BRCA1: variants seen among roughly 807,000 people sequenced by gnomAD.
BRCA1 encodes the protein BRCA1 DNA repair associated.
A neutral mutation model predicts 173.7 loss-of-function variants in BRCA1; 140 were observed. That is an observed-to-expected ratio of 0.81 (90% CI 0.70 to 0.93). The LOEUF (loss-of-function observed/expected upper bound fraction) is 0.93, where lower values mean the gene tolerates loss of function less well. BRCA1 is among the 40% of genes least tolerant of loss of function. The pLI is 0.00. For synonymous variants in BRCA1, 662 were observed against 756.0 expected (o/e 0.88, Z 2.04); for missense variants, 1,983 against 2,172.5 (o/e 0.91, Z 1.73).
chr17:43,148,782 C>A (rs11079056), intron 1 of BRCA1: 54,387 of 167,444 alleles, frequency 0.32, 9,206 homozygotes, highest in South Asian at 0.49. Flanking sequence ...ATAAGAATGA[C>A]TCTGTTTTGG....
intron 21 of BRCA1, among the ~76,000 whole-genome samples, chr17:43,048,347 C>A (rs1398147406): frequency 6.6e-6 from 1 of 152,094 alleles, no homozygotes; most frequent in Non-Finnish European, 1.5e-5. Flanking sequence ...GGACTACAGG[C>A]GTGCGCCCCT....
rs786202386 is a variant in BRCA1, at chr17:43,093,786, G to A, written c.1745C>T (p.Thr582Met). The change falls in exon 10 of 23, where the codon ACG becomes ATG. Residue 582 changes from threonine to methionine, a missense_variant. Coordinates refer to ENST00000357654, the MANE Select transcript of BRCA1 (RefSeq NM_007294.4). ...ACTGCTGCTTATAGGTTCAGCTTTC[G>A]TTTTGAAAGCAGATTCTTTTTCGAG... Reference protein sequence around the residue: ...ESLEKESAFKTKAEPISSSIS... With the variant: ...ESLEKESAFKMKAEPISSSIS... The A allele has an allele frequency of 9.3e-6, 15 of 1,613,436 alleles. No individual in the cohort carries two copies. Among genetic ancestry groups the A allele is most frequent in the Non-Finnish European group, 1.1e-5 (13 of 1,179,894 alleles).
chr17:43,086,862 G>A (rs1180368362), intron 11 of BRCA1, among the ~76,000 whole-genome samples: 1 of 152,174 alleles, frequency 6.6e-6, no homozygotes, highest in Admixed American at 6.5e-5. Context: ...TGAAGAAGTG[G>A]AGAATACTGG....
At chr17:43,148,989 AT>A (rs2056141904) in intron 1 of BRCA1, among the ~76,000 whole-genome samples, 1 of 152,066 alleles carries the variant, frequency 6.6e-6, no homozygotes, top group South Asian at 2.1e-4. Context: ...TGGTTCTAGG[AT>A]ACTGCCCCCA....
At chr17:43,137,453 A>G (rs190672631) in intron 1 of BRCA1, among the ~76,000 whole-genome samples, 1 of 152,140 alleles carries the variant, frequency 6.6e-6, no homozygotes, top group Admixed American at 6.5e-5. Flanking sequence ...AAAAGAATAA[A>G]AGAGGTCCCT....
At chr17:43,141,538 G>A (rs1467692095) in intron 1 of BRCA1, among the ~76,000 whole-genome samples, 2 of 151,820 alleles carry the variant, frequency 1.3e-5, no homozygotes, top group African/African-American at 4.8e-5. Context: ...AATTATCACC[G>A]GGCACGGTGG....
rs764503776 is a variant in BRCA1 at position 43,076,645 on chromosome 17, T to G, written c.4358-31A>C. 2 of 1,608,944 alleles carry G rather than the reference T, an allele frequency of 1.2e-6. No homozygotes were observed. Among genetic ancestry groups the G allele is most frequent in the Non-Finnish European group, 1.7e-6 (2 of 1,177,004 alleles). On this transcript the variant is annotated intron_variant, in intron 12 of 22. Transcript: ENST00000357654. ...AATGGAATGAGAAAACAAATCTACT[T>G]TACTGCTTTGTTCTGATAGTGATAA...
chr17:43,046,028 TCTC>T (rs1441496816), intron 22 of BRCA1, among the ~76,000 whole-genome samples: 4 of 151,518 alleles, frequency 2.6e-5, no homozygotes, highest in Admixed American at 1.3e-4. Flanking sequence ...TTCAAGCAAT[TCTC>T]CTGTCTCTGC....
At chr17:43,152,960 A>G (rs559682335) in intron 1 of BRCA1, among the ~76,000 whole-genome samples, 171 of 152,224 alleles carry the variant, frequency 1.1e-3, no homozygotes, top group African/African-American at 4.0e-3. Flanking sequence ...CCTTGAACCC[A>G]GGAGGCGGAG....
chr17:43,100,595 T>TTA (rs1488872824), intron 6 of BRCA1, among the ~76,000 whole-genome samples: 2,890 of 61,926 alleles, frequency 0.047, 551 homozygotes, highest in African/African-American at 0.18. Context: ...CATATATATA[T>TTA]TATATATATA....
intron 17 of BRCA1, among the ~76,000 whole-genome samples, 163 bp downstream of exon 17, chr17:43,063,711 G>A (rs2153577208): frequency 6.6e-6 from 1 of 152,250 alleles, no homozygotes; most frequent in South Asian, 2.1e-4. Flanking sequence ...CAGCTTATCT[G>A]AACAAAGTGA....
chr17:43,055,304 C>T (rs1009592624), intron 19 of BRCA1, among the ~76,000 whole-genome samples: 12 of 152,144 alleles, frequency 7.9e-5, no homozygotes, highest in Admixed American at 2.0e-4. Flanking sequence ...TTTTTCCCTC[C>T]GTGAAGCCTT....
intron 1 of BRCA1, chr17:43,160,205 C>A (rs531700582): frequency 6.6e-6 from 1 of 152,092 alleles, no homozygotes; most frequent in African/African-American, 2.4e-5. Context: ...CCACACCTGG[C>A]TAATTTTTTT....
intron 3 of BRCA1, among the ~76,000 whole-genome samples, chr17:43,115,224 T>A (rs2055206890): frequency 6.6e-6 from 1 of 151,994 alleles, no homozygotes; most frequent in African/African-American, 2.4e-5. Flanking sequence ...TATATGTCAG[T>A]CGGGTGTGGT....
chr17:43,130,760 G>A (rs1199277911), intron 1 of BRCA1, among the ~76,000 whole-genome samples: 4 of 152,246 alleles, frequency 2.6e-5, no homozygotes, highest in Non-Finnish European at 4.4e-5. Context: ...GCTCAAAGGT[G>A]AACTGACCTG....
At chr17:43,132,160 G>A (rs2055972433) in intron 1 of BRCA1, among the ~76,000 whole-genome samples, 1 of 152,198 alleles carries the variant, frequency 6.6e-6, no homozygotes, top group Admixed American at 6.5e-5. Flanking sequence ...GGCACAGAGA[G>A]GTTTTGGTAC....
chr17:43,121,441 T>C (rs1414068573), intron 2 of BRCA1, among the ~76,000 whole-genome samples: 1 of 150,878 alleles, frequency 6.6e-6, no homozygotes, highest in African/African-American at 2.4e-5. Context: ...TCCCAGCACT[T>C]TCGGAGGCCA....
At chr17:43,072,041 TAAAA>T (rs566443477) in intron 14 of BRCA1, among the ~76,000 whole-genome samples, 2 of 150,782 alleles carry the variant, frequency 1.3e-5, no homozygotes, top group South Asian at 4.2e-4. Context: ...AATAAATAAA[TAAAA>T]GTTTATGTAA....
intron 1 of BRCA1, among the ~76,000 whole-genome samples, chr17:43,158,988 C>T (rs910405821): frequency 6.6e-6 from 1 of 152,192 alleles, no homozygotes; most frequent in Non-Finnish European, 1.5e-5. Context: ...GTAATCCCAG[C>T]ACTTTGAGAG....
Sources: gnomAD v4.1 joint callset for allele counts (sites outside exome capture counted in the v4.1 genomes callset) on GRCh38, gnomAD v4.1.1 for gene constraint, MANE v1.5 for transcripts, NCBI Gene and HGNC (gene_info 2026-07-23, HGNC 2026-07-21) for gene names.